Variants in MMP25 observed in about 807,000 individuals in gnomAD.
The protein encoded by MMP25 is matrix metalloproteinase-25.
MMP25 carries 68 observed loss-of-function variants against 62.1 expected under a neutral mutation model. That is an observed-to-expected ratio of 1.10 (90% confidence interval 0.90 to 1.34). The LOEUF (loss-of-function observed/expected upper bound fraction) is 1.34. Among genes scored for constraint, MMP25 ranks in the 40% most tolerant of loss-of-function variants. MMP25 has a pLI of 0.00. For synonymous variants in MMP25, 407 were observed against 345.6 expected (o/e 1.18, Z -1.97); for missense variants, 942 against 792.5 (o/e 1.19, Z -2.26).
chr16:3,056,906 G>A (rs1398191786), intron 4 of MMP25, 127 bp from the exon 5 acceptor site: 1 of 937,566 alleles, frequency 1.1e-6, no homozygotes, highest in Admixed American at 2.8e-5. Context: ...CTGGGCAGAG[G>A]AGGCTGGGGC....
intron 8 of MMP25, 36 bp downstream of exon 8, chr16:3,058,369 G>A (rs766180852): frequency 2.0e-6 from 3 of 1,503,794 alleles, no homozygotes; most frequent in Non-Finnish European, 2.7e-6. Context: ...GCTGGGGCCG[G>A]CGCGGGGAGC....
Position 3,058,352 on chromosome 16 carries a change from G to T in MMP25, c.1159+19G>T. 6.6e-7 allele frequency: 1 copy of T among 1,515,732 alleles called. No individual in the cohort carries two copies. 93.9% of individuals were successfully genotyped at this position (1,515,732 alleles called of 1,614,324 possible). A position where few individuals can be genotyped will look rare whatever the true frequency, so the allele number is the denominator to read the frequency against. On this transcript the variant is annotated intron_variant, in intron 8 of 9. Coordinates refer to ENST00000336577, the MANE Select transcript of MMP25 (RefSeq NM_022468.5). Reference sequence around the variant, plus strand: ...TTTAGCGGTGAGTGGGGCCGGCGGCGGGGCGCGCTGGGGCCGGCGCGGGGA... The same window carrying T: ...TTTAGCGGTGAGTGGGGCCGGCGGCTGGGCGCGCTGGGGCCGGCGCGGGGA...
rs544297005 is a variant in MMP25, at chr16:3,049,114, T to C, written c.233-895T>C. Among the ~76,000 whole-genome samples the C allele has an allele frequency of 1.9e-4, 29 of 151,910 alleles. No individual in the cohort carries two copies. In the South Asian group the frequency reaches 6.0e-3, roughly 32 times the overall value. ...TGAGCCACCGTGCCCGGCTTTGACT[T>C]GCAGTTTTAAGCTTCCTCTGGGTCC... On this transcript the variant is annotated intron_variant, in intron 2 of 9. Transcript: ENST00000336577.
In MMP25 at chr16:3,052,704, G is replaced by C. The variant is rs974806668; in HGVS notation, c.661+2158G>C. 7 of 154,064 alleles carry C rather than the reference G, an allele frequency of 4.5e-5. 1 individual carries two copies. The highest frequency in any genetic ancestry group is 1.4e-4 in the African/African-American group (6 of 41,434). 9.5% of individuals were successfully genotyped at this position (154,064 alleles called of 1,614,324 possible). On this transcript the variant is annotated intron_variant, in intron 4 of 9. Transcript: ENST00000336577. ...TGTGAGAGTGGGAGGAGGAGGAGCA[G>C]GCTGGCAGAAGGCAGGCACAAGTGC...
In MMP25 at chr16:3,058,392, T is replaced by G. The variant is rs903164673; in HGVS notation, c.1160-20T>G. 2 of 1,511,038 alleles carry G rather than the reference T, an allele frequency of 1.3e-6. No individual in the cohort carries two copies. Among genetic ancestry groups the G allele is most frequent in the Non-Finnish European group, 8.9e-7 (1 of 1,129,784 alleles). The allele number at this position is 1,511,038 out of a possible 1,614,324, so 93.6% of individuals were successfully genotyped here. ...CGGCGCGGGGAGCCCACCCCTGACC[T>G]CCCGGCCTCCACCCTGCAGGGCCCC... On this transcript the variant is annotated intron_variant, in intron 8 of 9. Transcript: ENST00000336577.
In MMP25 at chr16:3,058,465, C is replaced by G; in HGVS notation, c.1213C>G (p.Leu405Val). ...GCAGCTGGAGGGCGGGGCGCGGCCG[C>G]TCACGGAGCTGGGGCTGCCCCCGGG... ...DRQLEGGARP[L>V]TELGLPPGEE... Residue 405 changes from leucine (L) to valine (V), a missense_variant, in exon 9 of 10, where the codon CTC becomes GTC. Leu to Val is a conservative substitution (Grantham distance 32). Transcript: ENST00000336577. 2 of 1,598,538 alleles carry G rather than the reference C, an allele frequency of 1.3e-6. No homozygotes were observed. The highest frequency in any genetic ancestry group is 8.5e-7 in the Non-Finnish European group (1 of 1,174,044).
chr16:3,058,338 G>A lies in MMP25; in HGVS notation c.1159+5G>A. 1.9e-6 allele frequency: 3 copies of A among 1,549,390 alleles called. No individual in the cohort carries two copies. The highest frequency in any genetic ancestry group is 2.6e-6 in the Non-Finnish European group (3 of 1,150,716). On this transcript the variant is annotated splice_donor_5th_base_variant and intron_variant, in intron 8 of 9. Coordinates refer to ENST00000336577, the MANE Select transcript of MMP25 (RefSeq NM_022468.5). Reference sequence around the variant, plus strand: ...GCCGAATCCTCCTCTTTAGCGGTGAGTGGGGCCGGCGGCGGGGCGCGCTGG... The same window carrying A: ...GCCGAATCCTCCTCTTTAGCGGTGAATGGGGCCGGCGGCGGGGCGCGCTGG...
In MMP25 at chr16:3,059,926, C is replaced by G. The variant is rs1036581500; in HGVS notation, c.*828C>G. 4 of 152,496 alleles carry G rather than the reference C, an allele frequency of 2.6e-5. No individual in the cohort carries two copies. In the East Asian group the frequency reaches 7.7e-4, roughly 29 times the overall value. 9.4% of individuals were successfully genotyped at this position (152,496 alleles called of 1,614,324 possible). Reference sequence around the variant, plus strand: ...CTTGGGCACCTCCCTGGGCCCAGAACTGCCTTCCATTCAATGGGGAACCCT... The same window carrying G: ...CTTGGGCACCTCCCTGGGCCCAGAAGTGCCTTCCATTCAATGGGGAACCCT... On this transcript the variant is annotated 3_prime_UTR_variant, in exon 10 of 10. Transcript: ENST00000336577.
In MMP25 at chr16:3,058,518, G is replaced by A. The variant is rs1314251055; in HGVS notation, c.1266G>A (p.Trp422Ter). The A allele has an allele frequency of 1.9e-6, 3 of 1,610,846 alleles. No homozygotes were observed. The highest frequency in any genetic ancestry group is 2.2e-5 in the East Asian group (1 of 44,774). The change falls in exon 9 of 10, where the codon TGG (tryptophan) becomes TGA (stop). Residue 422 changes from tryptophan (W) to a stop codon, truncating the protein, a stop_gained. Transcript: ENST00000336577. LOFTEE classifies it high-confidence loss of function. ...PGEEVDAVFS[W>*]PQNGKTYLVR... ...AGGAGGTGGACGCCGTGTTCTCGTGGCCACAGAACGGGAAGACCTACCTGG... is the reference window on the plus strand; with the variant it reads ...AGGAGGTGGACGCCGTGTTCTCGTGACCACAGAACGGGAAGACCTACCTGG...
In MMP25 at chr16:3,050,278, C is replaced by T; in HGVS notation, c.393C>T (p.Ser131=). The change falls in exon 4 of 10, where the codon TCC becomes TCT. Residue 131 remains serine (S), a synonymous_variant. Transcript: ENST00000336577. ...TWRVRSFPQS[S]QLSQETVRVL... is the part of the protein sequence containing the mutation. ...GGGTACGTTCCTTCCCCCAGAGCTC[C>T]CAGCTGAGCCAGGAGACCGTGCGGG... 1 of 1,604,148 alleles carries T rather than the reference C, an allele frequency of 6.2e-7. No individual in the cohort carries two copies. Among genetic ancestry groups the T allele is most frequent in the African/African-American group, 1.3e-5 (1 of 74,914 alleles).
intron 4 of MMP25, chr16:3,055,901 C>G: frequency 2.2e-6 from 1 of 455,532 alleles, no homozygotes. Flanking sequence ...TCAGCCGGGG[C>G]TGGCGTGTGA....
chr16:3,055,718 G>C (rs1239923893), intron 4 of MMP25: 1 of 404,730 alleles, frequency 2.5e-6, no homozygotes, highest in East Asian at 7.2e-5. Flanking sequence ...CTATGAACCT[G>C]CCCTGAACAG....
In MMP25 at chr16:3,046,967, C is replaced by A. The variant is rs925891256; in HGVS notation, c.50C>A (p.Pro17Gln). 3 of 1,471,660 alleles carry A rather than the reference C, an allele frequency of 2.0e-6. No homozygotes were observed. Among genetic ancestry groups the A allele is most frequent in the Non-Finnish European group, 2.7e-6 (3 of 1,119,728 alleles). The allele number at this position is 1,471,660 out of a possible 1,614,324, so 91.2% of individuals were successfully genotyped here. A position where few individuals can be genotyped will look rare whatever the true frequency, so the allele number is the denominator to read the frequency against. The change falls in exon 1 of 10, where the codon CCG becomes CAG. Residue 17 changes from proline to glutamine, a missense_variant. By Grantham distance (76) the Pro-to-Gln change is moderately conservative (BLOSUM62 -1). Coordinates refer to ENST00000336577, the MANE Select transcript of MMP25 (RefSeq NM_022468.5). ...GCGCTGCTGCTTCTGCTGCTGGCAC[C>A]GCCCGCGCGCGCCCCGAAGCCCTCG... is the stretch of plus-strand genomic sequence containing the variant. ...LLALLLLLLA[P>Q]PARAPKPSAQ...
chr16:3,049,017 A>G (rs533559445), intron 2 of MMP25, among the ~76,000 whole-genome samples: 2 of 152,146 alleles, frequency 1.3e-5, no homozygotes, highest in East Asian at 3.9e-4. Flanking sequence ...CATGTTGGCC[A>G]AGCAGGTCTC....
At chr16:3,051,704 G>T (rs1401624377) in intron 4 of MMP25, 1 of 152,096 alleles carries the variant, frequency 6.6e-6, no homozygotes, top group Non-Finnish European at 1.5e-5. Context: ...CAACACCCAC[G>T]GTGACACAGC....
chr16:3,053,319 G>A (rs973687065), intron 4 of MMP25: 3 of 150,200 alleles, frequency 2.0e-5, no homozygotes, highest in African/African-American at 7.4e-5. Context: ...GGGTGACAAA[G>A]TGAGACCCTG....
At position 3,059,129 on chromosome 16, in the gene MMP25, C is replaced by G. The variant is rs1956073098; in HGVS notation, c.*31C>G. 1.3e-6 allele frequency: 2 copies of G among 1,494,402 alleles called. No individual in the cohort carries two copies. Among genetic ancestry groups the G allele is most frequent in the Non-Finnish European group, 1.8e-6 (2 of 1,115,102 alleles). 92.6% of individuals were successfully genotyped at this position (1,494,402 alleles called of 1,614,324 possible). ...GGAGCCATCCAGACCGAACAGCGCC[C>G]TCCACGGCCGAGTCCCCCGCCGCTG... On this transcript the variant is annotated 3_prime_UTR_variant, in exon 10 of 10. Coordinates refer to ENST00000336577, the MANE Select transcript of MMP25 (RefSeq NM_022468.5).
In MMP25 at chr16:3,050,164, C is replaced by A; in HGVS notation, c.368+20C>A. 6.3e-7 allele frequency: 1 copy of A among 1,592,404 alleles called. No homozygotes were observed. The highest frequency in any genetic ancestry group is 1.1e-5 in the South Asian group (1 of 89,340). On this transcript the variant is annotated intron_variant, in intron 3 of 9. Transcript: ENST00000336577. ...ATGGAGGTAGGTCCTGGGGCCCACC[C>A]GCACCCTGGCCCTGCCTGCTGGGCT... is the stretch of plus-strand genomic sequence containing the variant.
chr16:3,056,719 C>T (rs1440195526), intron 4 of MMP25: 4 of 295,222 alleles, frequency 1.4e-5, no homozygotes, highest in African/African-American at 2.2e-5. Context: ...CCAGCTCCTC[C>T]CCCTCAAACT....
Sources: allele counts gnomAD v4.1 joint callset (sites outside exome capture counted in the v4.1 genomes callset), GRCh38; gene constraint gnomAD v4.1.1; transcripts MANE v1.5; gene names NCBI Gene and HGNC (gene_info 2026-07-23, HGNC 2026-07-21).